CEACAM19: variants seen among roughly 807,000 people sequenced by gnomAD.
CEACAM19 encodes the protein CEA cell adhesion molecule 19, also known as cell adhesion molecule CEACAM19.
CEACAM19 carries 37 observed loss-of-function variants against 37.6 expected under a neutral mutation model. The ratio of observed to expected loss-of-function variants is 0.98; its 90% CI spans 0.76 to 1.29. CEACAM19 has a LOEUF of 1.29. Among genes scored for constraint, CEACAM19 ranks in the 50% most tolerant of loss-of-function variants. The pLI, the probability that CEACAM19 is intolerant of heterozygous loss-of-function variation, is 0.00. For missense variants in CEACAM19, 340 were observed against 375.6 expected, an observed-to-expected ratio of 0.91 and a Z score of 0.78; for synonymous variants, 140 against 149.8, an observed-to-expected ratio of 0.93 and a Z score of 0.48.
At chr19:44,682,843 G>T in intron 7 of CEACAM19, 1 of 502,986 alleles carries the variant, frequency 2.0e-6, no homozygotes, top group Non-Finnish European at 3.5e-6. Flanking sequence ...TTGCAAAAGG[G>T]ATCCAAAACC....
At position 44,678,897 on chromosome 19, in the gene CEACAM19, C is replaced by T. The variant is rs1228974284; in HGVS notation, c.620C>T (p.Ser207Leu). 4.3e-6 allele frequency: 7 copies of T among 1,614,024 alleles called. No individual in the cohort carries two copies. Among genetic ancestry groups the T allele is most frequent in the Non-Finnish European group, 5.9e-6 (7 of 1,179,998 alleles). ...CAGGGATCTCTGTCCATCTTGTGCT[C>T]GGCTGTATCCCCAGTGCCTTCAGTG... The part of the protein sequence containing the change: ...RGQGSLSILC[S>L]AVSPVPSVTP... Residue 207 changes from serine to leucine, a missense_variant, in exon 4 of 8, where the codon TCG becomes TTG. By Grantham distance (145) the Ser-to-Leu change is moderately radical (BLOSUM62 -2). Coordinates refer to ENST00000358777, the MANE Select transcript of CEACAM19 (RefSeq NM_001127893.3).
At chr19:44,668,171 GTATAT>G (rs1341150741), upstream of CEACAM19, among the ~76,000 whole-genome samples, 2 of 71,738 alleles carry the variant, frequency 2.8e-5, no homozygotes, top group East Asian at 9.3e-4. Flanking sequence ...ATATTATATA[GTATAT>G]TATATATAAT....
At position 44,671,938 on chromosome 19, in the gene CEACAM19, A is replaced by G. The variant is rs1212027611; in HGVS notation, c.7A>G (p.Ile3Val). Reference protein sequence around the residue: MEIPMGTQGCFSK... With the variant: MEVPMGTQGCFSK... ...ATTTCCACAAGACGCCAAGATGGAGATTCCCATGGGGACCCAGGGCTGCTT... is the reference window on the plus strand; with the variant it reads ...ATTTCCACAAGACGCCAAGATGGAGGTTCCCATGGGGACCCAGGGCTGCTT... The change falls in exon 1 of 8, where the codon ATT becomes GTT. Residue 3 changes from isoleucine to valine, a missense_variant. By Grantham distance (29) the Ile-to-Val change is conservative. Transcript: ENST00000358777. 6.2e-7 allele frequency: 1 copy of G among 1,605,966 alleles called. No homozygotes were observed. Among genetic ancestry groups the G allele is most frequent in the Non-Finnish European group, 8.5e-7 (1 of 1,176,572 alleles).
Position 44,671,640 on chromosome 19 carries a change from C to T in CEACAM19, c.-292C>T, listed in dbSNP as rs1442921837. Reference sequence around the variant, plus strand: ...GCTACAGTGACTGCTGTTGTAGTCACGCTGAGTGAGAAAAAGAGGTTGAAG... The same window carrying T: ...GCTACAGTGACTGCTGTTGTAGTCATGCTGAGTGAGAAAAAGAGGTTGAAG... On this transcript the variant is annotated 5_prime_UTR_variant, in exon 1 of 8. The change creates a new upstream start codon in the 5' untranslated region. Transcript: ENST00000358777. 17 of 468,334 alleles carry T rather than the reference C, an allele frequency of 3.6e-5. No individual in the cohort carries two copies. The highest frequency in any genetic ancestry group is 2.2e-4 in the South Asian group (4 of 17,972). 29.0% of individuals were successfully genotyped at this position (468,334 alleles called of 1,614,324 possible). A position where few individuals can be genotyped will look rare whatever the true frequency, so the allele number is the denominator to read the frequency against.
Position 44,683,693 on chromosome 19 carries a change from G to C in CEACAM19, c.*203G>C, listed in dbSNP as rs2289494. ...ACAGGCCCAGGTCCTTGTGCAGCCC[G>C]TGAATGCACGCCCGCCTTCGGTCTG... On this transcript the variant is annotated 3_prime_UTR_variant, in exon 8 of 8. Transcript: ENST00000358777. 329,983 of 413,994 alleles carry C rather than the reference G, an allele frequency of 0.8. 132,687 individuals carry two copies. Among genetic ancestry groups the C allele is most frequent in the African/African-American group, 0.95 (46,978 of 49,212 alleles). 25.6% of individuals were successfully genotyped at this position (413,994 alleles called of 1,614,324 possible). A position where few individuals can be genotyped will look rare whatever the true frequency, so the allele number is the denominator to read the frequency against.
chr19:44,677,417 G>T (rs1292920995), intron 3 of CEACAM19, among the ~76,000 whole-genome samples: 1 of 151,894 alleles, frequency 6.6e-6, no homozygotes, highest in Admixed American at 6.6e-5. Context: ...GCTATCAGAT[G>T]CTACCTACTT....
At chr19:44,667,862 T>A (rs1973759649), upstream of CEACAM19, among the ~76,000 whole-genome samples, 1 of 72,396 alleles carries the variant, frequency 1.4e-5, no homozygotes, top group South Asian at 4.2e-4. Flanking sequence ...TATATATAAA[T>A]TATATATAAT....
intron 6 of CEACAM19, 64 bp downstream of exon 6, chr19:44,681,376 G>C: frequency 2.8e-6 from 3 of 1,088,228 alleles, no homozygotes; most frequent in Non-Finnish European, 4.2e-6. Flanking sequence ...CTCTGAGCTG[G>C]CTGTGGTCCT....
At chr19:44,677,664 T>C (rs1228505649) in intron 3 of CEACAM19, 1 of 152,158 alleles carries the variant, frequency 6.6e-6, no homozygotes, top group Admixed American at 6.5e-5. Context: ...AACTCTTCCT[T>C]ATGTGCCATG....
At chr19:44,676,183 G>A in intron 2 of CEACAM19, 88 bp from the exon 3 acceptor site, 1 of 1,348,318 alleles carries the variant, frequency 7.4e-7, no homozygotes, top group South Asian at 1.3e-5. Flanking sequence ...TCTCCATGCA[G>A]TCACTGATAT....
At chr19:44,677,029 G>C (rs961211389) in intron 3 of CEACAM19, among the ~76,000 whole-genome samples, 1 of 151,976 alleles carries the variant, frequency 6.6e-6, no homozygotes, top group African/African-American at 2.4e-5. Flanking sequence ...ATTTTTCTTC[G>C]GTGGCTTCAT....
intron 3 of CEACAM19, chr19:44,677,700 T>C (rs1241949809): frequency 6.6e-6 from 1 of 152,200 alleles, no homozygotes; most frequent in South Asian, 2.1e-4. Flanking sequence ...TTCTTCTTTT[T>C]TTTTTTTGAG....
chr19:44,666,881 T>G (rs1298091013), upstream of CEACAM19: 2 of 151,930 alleles, frequency 1.3e-5, no homozygotes, highest in African/African-American at 4.8e-5. Context: ...AGGCATTTGT[T>G]GCTTGTTGGC....
chr19:44,680,668 C>T (rs1412530529), intron 5 of CEACAM19, among the ~76,000 whole-genome samples: 1 of 152,112 alleles, frequency 6.6e-6, no homozygotes, highest in Non-Finnish European at 1.5e-5. Context: ...CAACCCATCC[C>T]AGGACAAGGT....
upstream of CEACAM19, among the ~76,000 whole-genome samples, chr19:44,668,339 A>ATATT (rs1397975162): frequency 3.0e-3 from 114 of 38,188 alleles, 12 homozygotes; most frequent in African/African-American, 9.7e-3. Context: ...ATATGTTTAT[A>ATATT]ATATATATAA....
At position 44,679,056 on chromosome 19, in the gene CEACAM19, G is replaced by A. The variant is rs1974006515; in HGVS notation, c.659+120G>A. The A allele has an allele frequency of 4.2e-6, 6 of 1,443,184 alleles. No individual in the cohort carries two copies. The South Asian group carries it at 5.5e-5, about 13-fold the overall frequency. The allele number at this position is 1,443,184 out of a possible 1,614,324, so 89.4% of individuals were successfully genotyped here. On this transcript the variant is annotated intron_variant, in intron 4 of 7. Transcript: ENST00000358777. ...TGCCAAGGTTGGGGTGCAGTGGTGCGATCGTAGCTCACCGTAGCCTCGACC... is the reference window on the plus strand; with the variant it reads ...TGCCAAGGTTGGGGTGCAGTGGTGCAATCGTAGCTCACCGTAGCCTCGACC...
At chr19:44,668,433 ATAT>A (rs1304409375), upstream of CEACAM19, among the ~76,000 whole-genome samples, 2 of 62,258 alleles carry the variant, frequency 3.2e-5, no homozygotes, top group African/African-American at 1.4e-4. Flanking sequence ...ATATATTTAT[ATAT>A]TATTATATAT....
intron 7 of CEACAM19, 126 bp from the exon 8 acceptor site, chr19:44,683,311 C>T (rs541161525): frequency 8.0e-5 from 40 of 501,988 alleles, no homozygotes; most frequent in Admixed American, 3.5e-4. Flanking sequence ...TTCCACCTTG[C>T]TCTTCCATTC....
chr19:44,675,666 G>C (rs1167550859), intron 2 of CEACAM19, among the ~76,000 whole-genome samples: 1 of 151,994 alleles, frequency 6.6e-6, no homozygotes, highest in African/African-American at 2.4e-5. Flanking sequence ...TGTGCCTGTA[G>C]TCCCAGCTAC....
Sources: allele counts gnomAD v4.1 joint callset (sites outside exome capture counted in the v4.1 genomes callset), GRCh38; gene constraint gnomAD v4.1.1; transcripts MANE v1.5; gene names NCBI Gene and HGNC (gene_info 2026-07-23, HGNC 2026-07-21).